The following SLC25A12 variants were observed in gnomAD, a reference collection of about 807,000 sequenced individuals.
SLC25A12 encodes solute carrier family 25 member 12, also known as electrogenic aspartate/glutamate antiporter SLC25A12, mitochondrial.
A neutral mutation model predicts 83.3 loss-of-function variants in SLC25A12; 32 were observed. The observed-to-expected ratio is 0.38, with a 90% CI of 0.29 to 0.52. The LOEUF (loss-of-function observed/expected upper bound fraction) is 0.52. Among genes scored for constraint, SLC25A12 ranks in the 20% least tolerant of loss-of-function variants. The probability of loss-of-function intolerance (pLI) is 0.84; values close to 1 mark genes in which losing one functional copy is unlikely to be tolerated. For missense variants in SLC25A12, 611 were observed against 835.6 expected, an observed-to-expected ratio of 0.73 and a Z score of 3.31; for synonymous variants, 267 against 291.1, an observed-to-expected ratio of 0.92 and a Z score of 0.84.
chr2:171,834,600 A>ATACATACAC, intron 7 of SLC25A12, 127 bp downstream of exon 7: 2 of 1,075,974 alleles, frequency 1.9e-6, no homozygotes. Context: ...CAAGTAAAGC[A>ATACATACAC]TACATACACA....
At position 171,850,568 on chromosome 2, in the gene SLC25A12, T is replaced by C. The variant is rs571560041; in HGVS notation, c.325+5266A>G. The stretch of plus-strand genomic sequence containing the variant: ...TCACCATATTGGCCAGGCTGGTCCA[T>C]ATTGGCCAGGCTGGTCTCAAACTCC... On this transcript the variant is annotated intron_variant, in intron 4 of 17. Transcript: ENST00000422440. Among the ~76,000 whole-genome samples, 4 of 151,796 alleles carry C rather than the reference T, an allele frequency of 2.6e-5. No homozygotes were observed. In the East Asian group the frequency reaches 7.8e-4, roughly 29 times the overall value.
In SLC25A12 at chr2:171,865,503, A is replaced by C. The variant is rs1341796671; in HGVS notation, c.209+3178T>G. Among the ~76,000 whole-genome samples, 4 of 152,056 alleles carry C rather than the reference A, an allele frequency of 2.6e-5. No homozygotes were observed. In the East Asian group the frequency reaches 7.7e-4, roughly 29 times the overall value. ...TGGTGAAACCCTGTCTCTCCTAAAA[A>C]TACAAAAATCAGCCAGGTGTGGTGG... On this transcript the variant is annotated intron_variant, in intron 3 of 17. Transcript: ENST00000422440.
chr2:171,855,733 G>C (rs1234520513), intron 4 of SLC25A12, 101 bp downstream of exon 4: 2 of 790,850 alleles, frequency 2.5e-6, no homozygotes, highest in Non-Finnish European at 4.6e-6. Context: ...TTATGGGTCA[G>C]ATCCCAAATA....
At chr2:171,891,049 G>A (rs530086586) in intron 2 of SLC25A12, among the ~76,000 whole-genome samples, 1 of 152,330 alleles carries the variant, frequency 6.6e-6, no homozygotes, top group East Asian at 1.9e-4. Context: ...GCTCACGCCT[G>A]TAATCCCAGC....
chr2:171,847,702 T>G (rs1467836002), intron 4 of SLC25A12, among the ~76,000 whole-genome samples: 1 of 152,220 alleles, frequency 6.6e-6, no homozygotes, highest in Non-Finnish European at 1.5e-5. Context: ...TATACTAGGT[T>G]GGCATAGCTA....
chr2:171,794,133 GAT>G (rs1683549102), intron 13 of SLC25A12, among the ~76,000 whole-genome samples: 1 of 152,192 alleles, frequency 6.6e-6, no homozygotes, highest in South Asian at 2.1e-4. Context: ...AAGAAAAAGA[GAT>G]AGTAAAAGAC....
chr2:171,791,121 T>G (rs926313165), intron 15 of SLC25A12, among the ~76,000 whole-genome samples: 2 of 152,210 alleles, frequency 1.3e-5, no homozygotes, highest in South Asian at 4.2e-4. Context: ...GGAAAAACTT[T>G]CCCACCTTAA....
At chr2:171,874,757 T>C (rs1357522547) in intron 2 of SLC25A12, among the ~76,000 whole-genome samples, 3 of 152,224 alleles carry the variant, frequency 2.0e-5, no homozygotes, top group Admixed American at 6.5e-5. Flanking sequence ...GAGGCCATTA[T>C]CCTAAGCAGA....
chr2:171,886,427 T>C (rs1443300989), intron 2 of SLC25A12, among the ~76,000 whole-genome samples: 1 of 150,544 alleles, frequency 6.6e-6, no homozygotes, highest in Non-Finnish European at 1.5e-5. Flanking sequence ...GAGATGGGGT[T>C]TTGCCACGTT....
chr2:171,852,363 A>C (rs1684952300), intron 4 of SLC25A12, among the ~76,000 whole-genome samples: 1 of 152,232 alleles, frequency 6.6e-6, no homozygotes, highest in African/African-American at 2.4e-5. Context: ...ATCTAAAAAA[A>C]GCATAAATGA....
At chr2:171,833,760 T>A (rs962454822) in intron 8 of SLC25A12, among the ~76,000 whole-genome samples, 2 of 151,862 alleles carry the variant, frequency 1.3e-5, no homozygotes, top group African/African-American at 2.4e-5. Context: ...TCCCTCCATC[T>A]TCTTCTCCCT....
At chr2:171,871,815 T>C (rs1685462784) in intron 2 of SLC25A12, 5 of 876,608 alleles carry the variant, frequency 5.7e-6, no homozygotes, top group African/African-American at 5.5e-5. Flanking sequence ...ATTCAAAGCA[T>C]TTGAGAGGTG....
chr2:171,881,454 A>G (rs1308875109), intron 2 of SLC25A12, among the ~76,000 whole-genome samples: 2 of 152,112 alleles, frequency 1.3e-5, no homozygotes, highest in Non-Finnish European at 2.9e-5. Context: ...CCAAAACCCC[A>G]TATTTTCTGT....
intron 11 of SLC25A12, among the ~76,000 whole-genome samples, chr2:171,811,704 A>G (rs959791425): frequency 1.3e-5 from 2 of 152,186 alleles, no homozygotes; most frequent in Admixed American, 6.5e-5. Context: ...TTACATCCTG[A>G]ATAAAACCAA....
At chr2:171,827,053 T>C (rs1312123089) in intron 8 of SLC25A12, among the ~76,000 whole-genome samples, 171 bp from the exon 9 acceptor site, 1 of 152,064 alleles carries the variant, frequency 6.6e-6, no homozygotes, top group Admixed American at 6.6e-5. Context: ...TCTGTTTTCA[T>C]CAACAAAAAG....
At chr2:171,827,087 T>C (rs1281519532) in intron 8 of SLC25A12, among the ~76,000 whole-genome samples, 2 of 152,212 alleles carry the variant, frequency 1.3e-5, no homozygotes, top group Non-Finnish European at 2.9e-5. Flanking sequence ...AGAAATAATG[T>C]GGAGTGCATG....
chr2:171,838,672 T>C (rs1684610726), intron 5 of SLC25A12, among the ~76,000 whole-genome samples: 1 of 152,148 alleles, frequency 6.6e-6, no homozygotes, highest in Admixed American at 6.5e-5. Context: ...GAAGGAGTAG[T>C]GTTAGTAGAA....
intron 9 of SLC25A12, among the ~76,000 whole-genome samples, chr2:171,819,157 GAT>G (rs994303987): frequency 1.5e-4 from 20 of 131,692 alleles, no homozygotes; most frequent in African/African-American, 5.4e-4. Flanking sequence ...TAAAATATAT[GAT>G]ATATAATACG....
intron 2 of SLC25A12, among the ~76,000 whole-genome samples, chr2:171,877,647 C>T (rs1458251804): frequency 1.4e-5 from 2 of 141,532 alleles, no homozygotes; most frequent in African/African-American, 5.3e-5. Context: ...CCAGCCTGGG[C>T]GACCAGAAGA....
Sources: allele counts gnomAD v4.1 joint callset (sites outside exome capture counted in the v4.1 genomes callset), GRCh38; gene constraint gnomAD v4.1.1; transcripts MANE v1.5; gene names NCBI Gene and HGNC (gene_info 2026-07-23, HGNC 2026-07-21).